The following ABTB3 variants were observed in gnomAD, a reference collection of about 807,000 sequenced individuals.
ABTB3 encodes ankyrin repeat- and BTB/POZ domain-containing protein 3.
chr12:107,436,161 C>T, the ABTB3 span, among the ~76,000 whole-genome samples: 2 of 152,196 alleles, frequency 1.3e-5, no homozygotes, highest in Non-Finnish European at 2.9e-5. Flanking sequence ...TATGATTCTT[C>T]CTAAGCCATG....
chr12:107,486,006 C>A, the ABTB3 span, among the ~76,000 whole-genome samples: 1 of 152,152 alleles, frequency 6.6e-6, no homozygotes, highest in East Asian at 1.9e-4. Flanking sequence ...AAACAAGATT[C>A]TTGGATTCCC....
the ABTB3 span, among the ~76,000 whole-genome samples, chr12:107,424,977 G>A: frequency 5.9e-5 from 9 of 152,114 alleles, no homozygotes; most frequent in African/African-American, 1.9e-4. Context: ...TGTCTAACTG[G>A]TCTCCCCACT....
At chr12:107,359,143 A>T in the ABTB3 span, among the ~76,000 whole-genome samples, 5 of 152,356 alleles carry the variant, frequency 3.3e-5, no homozygotes, top group Admixed American at 2.6e-4. Flanking sequence ...TAATAAAAAA[A>T]GTCAGACGTG....
chr12:107,474,449 A>T, the ABTB3 span, among the ~76,000 whole-genome samples: 2 of 152,172 alleles, frequency 1.3e-5, no homozygotes, highest in Non-Finnish European at 2.9e-5. Context: ...GCTCTTTCCG[A>T]ATGATTAAAA....
the ABTB3 span, among the ~76,000 whole-genome samples, chr12:107,380,503 T>G: frequency 6.6e-6 from 1 of 152,210 alleles, no homozygotes; most frequent in Non-Finnish European, 1.5e-5. Flanking sequence ...TGTTTCTGTG[T>G]GGTCTGAAAG....
chr12:107,531,185 G>T, the ABTB3 span, among the ~76,000 whole-genome samples: 1 of 152,194 alleles, frequency 6.6e-6, no homozygotes, highest in South Asian at 2.1e-4. Context: ...ATGTTTAGCA[G>T]TATCTCTAAC....
chr12:107,455,140 T>C, the ABTB3 span, among the ~76,000 whole-genome samples: 1 of 152,358 alleles, frequency 6.6e-6, no homozygotes, highest in Middle Eastern at 3.4e-3. Context: ...AGCCCAAGCA[T>C]GTGGCCTGAG....
chr12:107,544,020 G>A, the ABTB3 span: 5 of 1,613,974 alleles, frequency 3.1e-6, no homozygotes, highest in Admixed American at 8.3e-5. Flanking sequence ...ACCACAAGCA[G>A]GGGGCACTGT....
the ABTB3 span, among the ~76,000 whole-genome samples, chr12:107,433,157 G>C: frequency 1.3e-5 from 2 of 151,480 alleles, no homozygotes; most frequent in Non-Finnish European, 2.9e-5. Context: ...GGGCGCGGTG[G>C]CGGGCGCCTG....
At chr12:107,555,849 A>C in the ABTB3 span, among the ~76,000 whole-genome samples, 24 of 152,222 alleles carry the variant, frequency 1.6e-4, no homozygotes, top group African/African-American at 3.6e-4. Flanking sequence ...CTTCCAGAAA[A>C]ACAGACTGAA....
the ABTB3 span, chr12:107,615,021 T>C: frequency 1.3e-6 from 2 of 1,553,482 alleles, no homozygotes; most frequent in Non-Finnish European, 8.9e-7. Context: ...CTAAGTATTG[T>C]GAAGGTCACA....
chr12:107,541,807 G>T, the ABTB3 span, among the ~76,000 whole-genome samples: 2 of 152,010 alleles, frequency 1.3e-5, no homozygotes, highest in African/African-American at 4.8e-5. Flanking sequence ...CTACCTGTTG[G>T]GTACTATGCT....
At chr12:107,407,696 C>T in the ABTB3 span, among the ~76,000 whole-genome samples, 1 of 152,156 alleles carries the variant, frequency 6.6e-6, no homozygotes, top group African/African-American at 2.4e-5. Context: ...AGTCATATGG[C>T]AAGAGGCATG....
At chr12:107,512,497 C>A in the ABTB3 span, among the ~76,000 whole-genome samples, 2 of 152,192 alleles carry the variant, frequency 1.3e-5, no homozygotes, top group Non-Finnish European at 1.5e-5. Context: ...ACTTGCCTAT[C>A]AGTTCCTGGG....
At chr12:107,383,614 C>T in the ABTB3 span, among the ~76,000 whole-genome samples, 730 of 152,298 alleles carry the variant, frequency 4.8e-3, 5 homozygotes, top group Middle Eastern at 0.017. Context: ...GTGTTGCTTT[C>T]CTGCCTATTC....
At chr12:107,425,634 G>A in the ABTB3 span, among the ~76,000 whole-genome samples, 1 of 152,132 alleles carries the variant, frequency 6.6e-6, no homozygotes, top group Admixed American at 6.5e-5. Flanking sequence ...GGACCTCCCG[G>A]GTGAAAACCA....
At chr12:107,436,957 C>T in the ABTB3 span, among the ~76,000 whole-genome samples, 10 of 152,110 alleles carry the variant, frequency 6.6e-5, no homozygotes, top group South Asian at 2.1e-4. Flanking sequence ...TGCATCCCCC[C>T]CCGCCGCACC....
the ABTB3 span, among the ~76,000 whole-genome samples, chr12:107,539,954 C>T: frequency 6.6e-6 from 1 of 152,148 alleles, no homozygotes; most frequent in African/African-American, 2.4e-5. Flanking sequence ...AGAGAATGTC[C>T]TTCCTTGATG....
the ABTB3 span, among the ~76,000 whole-genome samples, chr12:107,376,670 T>C: frequency 6.6e-6 from 1 of 152,020 alleles, no homozygotes; most frequent in Non-Finnish European, 1.5e-5. Context: ...GCAGTAGAGG[T>C]TCTCAGCACC....
Sources: gnomAD v4.1 joint callset for allele counts (sites outside exome capture counted in the v4.1 genomes callset) on GRCh38, gnomAD v4.1.1 for gene constraint, MANE v1.5 for transcripts, NCBI Gene and HGNC (gene_info 2026-07-23, HGNC 2026-07-21) for gene names.